Variants in ADCY2 observed in about 807,000 individuals in gnomAD.
ADCY2 encodes the protein adenylate cyclase type 2.
A neutral mutation model predicts 125.2 loss-of-function variants in ADCY2; 31 were observed. The ratio of observed to expected loss-of-function variants is 0.25; its 90% CI spans 0.19 to 0.33. The LOEUF (loss-of-function observed/expected upper bound fraction) is 0.33, where lower values mean the gene tolerates loss of function less well. Among genes scored for constraint, ADCY2 ranks in the 10% least tolerant of loss-of-function variants. ADCY2 has a pLI of 1.00. For synonymous variants in ADCY2, 512 were observed against 548.4 expected, an observed-to-expected ratio of 0.93 and a Z score of 0.93; for missense variants, 904 against 1,418.2, an observed-to-expected ratio of 0.64 and a Z score of 5.82.
chr5:7,741,945 T>TATCATC (rs993845125), intron 14 of ADCY2, among the ~76,000 whole-genome samples: 1 of 151,880 alleles, frequency 6.6e-6, no homozygotes, highest in Non-Finnish European at 1.5e-5. Context: ...CCGTCATTAT[T>TATCATC]ATCATCATCA....
At chr5:7,524,735 A>T (rs1734396616) in intron 3 of ADCY2, among the ~76,000 whole-genome samples, 2 of 152,110 alleles carry the variant, frequency 1.3e-5, no homozygotes, top group Non-Finnish European at 1.5e-5. Context: ...TGGTGGGTGC[A>T]TCCTCCCGGA....
At chr5:7,679,100 A>G (rs1416547423) in intron 4 of ADCY2, among the ~76,000 whole-genome samples, 1 of 152,244 alleles carries the variant, frequency 6.6e-6, no homozygotes, top group Non-Finnish European at 1.5e-5. Flanking sequence ...AGGAGCCATT[A>G]GCAAAGTGAA....
chr5:7,508,832 C>T (rs146521770), intron 2 of ADCY2, among the ~76,000 whole-genome samples: 44 of 152,284 alleles, frequency 2.9e-4, no homozygotes, highest in African/African-American at 1.0e-3. Flanking sequence ...GCCAAGAAAA[C>T]CCCCTCCAAA....
At chr5:7,768,598 A>G (rs1371556905) in intron 17 of ADCY2, among the ~76,000 whole-genome samples, 2 of 152,196 alleles carry the variant, frequency 1.3e-5, no homozygotes, top group Admixed American at 1.3e-4. Context: ...ACAACTCACC[A>G]CACTTGGCAT....
intron 4 of ADCY2, among the ~76,000 whole-genome samples, chr5:7,652,445 C>T (rs545249865): frequency 1.2e-4 from 18 of 152,140 alleles, no homozygotes; most frequent in Non-Finnish European, 2.4e-4. Context: ...TTTTTTAAAG[C>T]GTGGCCGTAT....
chr5:7,589,512 A>AAGAAAGAAAGAAAGG (rs1736772141), intron 3 of ADCY2, among the ~76,000 whole-genome samples: 1 of 71,276 alleles, frequency 1.4e-5, no homozygotes, highest in African/African-American at 4.1e-5. Context: ...GAAAGAAAGA[A>AAGAAAGAAAGAAAGG]AAGAAAAGAA....
At chr5:7,656,572 G>A (rs1445572179) in intron 4 of ADCY2, among the ~76,000 whole-genome samples, 2 of 152,122 alleles carry the variant, frequency 1.3e-5, no homozygotes, top group Non-Finnish European at 2.9e-5. Context: ...ATGTCAAAGG[G>A]GCCCTGAGGG....
intron 3 of ADCY2, among the ~76,000 whole-genome samples, chr5:7,532,191 G>C (rs532876275): frequency 6.6e-6 from 1 of 152,220 alleles, no homozygotes; most frequent in Non-Finnish European, 1.5e-5. Flanking sequence ...CTTGCCGGAC[G>C]ATTGCAGATA....
At chr5:7,533,257 G>T (rs1365879629) in intron 3 of ADCY2, among the ~76,000 whole-genome samples, 1 of 151,522 alleles carries the variant, frequency 6.6e-6, no homozygotes, top group Non-Finnish European at 1.5e-5. Context: ...TTCATTCAAG[G>T]TTTAAATTGT....
intron 4 of ADCY2, among the ~76,000 whole-genome samples, chr5:7,638,838 T>C (rs1422696940): frequency 7.2e-5 from 11 of 152,132 alleles, no homozygotes; most frequent in Non-Finnish European, 1.5e-4. Context: ...CCAAATCTCA[T>C]CTTGTAGCTC....
At position 7,498,987 on chromosome 5, in the gene ADCY2, G is replaced by C. The variant is rs1324209912; in HGVS notation, c.409-21751G>C. ...CTTAAAAATAGCCAAAATTATCCAT[G>C]GGGTTTGAAATCAGAGAGTGTTTTG... is the stretch of plus-strand genomic sequence containing the variant. On this transcript the variant is annotated intron_variant, in intron 2 of 24. Coordinates refer to ENST00000338316, the MANE Select transcript of ADCY2 (RefSeq NM_020546.3). Among the ~76,000 whole-genome samples the C allele has an allele frequency of 2.6e-5, 4 of 152,154 alleles. No homozygotes were observed. In the East Asian group the frequency reaches 7.7e-4, roughly 29 times the overall value.
chr5:7,729,244 G>C (rs1043940703), intron 14 of ADCY2, among the ~76,000 whole-genome samples: 3 of 151,986 alleles, frequency 2.0e-5, no homozygotes, highest in Non-Finnish European at 4.4e-5. Context: ...CAAAGATACA[G>C]AAAAGTACAG....
At chr5:7,781,719 A>G (rs1266708162) in intron 18 of ADCY2, among the ~76,000 whole-genome samples, 1 of 151,764 alleles carries the variant, frequency 6.6e-6, no homozygotes, top group African/African-American at 2.4e-5. Flanking sequence ...ACTCTAGGAA[A>G]CTAATTCAGA....
At chr5:7,634,676 C>T (rs1351809331) in intron 4 of ADCY2, among the ~76,000 whole-genome samples, 2 of 151,684 alleles carry the variant, frequency 1.3e-5, no homozygotes, top group South Asian at 2.1e-4. Context: ...CAGAAAAGCC[C>T]TCTTGTCCTA....
At chr5:7,506,512 G>A (rs770979086) in intron 2 of ADCY2, among the ~76,000 whole-genome samples, 3 of 152,032 alleles carry the variant, frequency 2.0e-5, no homozygotes, top group Non-Finnish European at 2.9e-5. Context: ...ACCATTGCCC[G>A]AGAAAAAAAT....
chr5:7,459,963 T>G (rs1056658134), intron 2 of ADCY2, among the ~76,000 whole-genome samples: 4 of 151,466 alleles, frequency 2.6e-5, no homozygotes, highest in Non-Finnish European at 5.9e-5. Flanking sequence ...ATTTTTTGTA[T>G]TTTTAGTAGG....
chr5:7,420,073 GT>G (rs1740135015), intron 2 of ADCY2, among the ~76,000 whole-genome samples: 1 of 152,206 alleles, frequency 6.6e-6, no homozygotes, highest in Admixed American at 6.5e-5. Context: ...CCGGGGACAT[GT>G]GATTGTGTCA....
At chr5:7,719,672 G>A (rs1741700870) in intron 12 of ADCY2, among the ~76,000 whole-genome samples, 1 of 152,206 alleles carries the variant, frequency 6.6e-6, no homozygotes, top group East Asian at 1.9e-4. Flanking sequence ...GTGGTAGGGA[G>A]CTCTCTGGTG....
chr5:7,411,102 C>A (rs561845552), intron 1 of ADCY2, among the ~76,000 whole-genome samples: 6 of 152,308 alleles, frequency 3.9e-5, no homozygotes, highest in South Asian at 4.1e-4. Context: ...TCCCATGACA[C>A]CCTCATGCAA....
Sources: allele counts gnomAD v4.1 joint callset (sites outside exome capture counted in the v4.1 genomes callset), GRCh38; gene constraint gnomAD v4.1.1; transcripts MANE v1.5; gene names NCBI Gene and HGNC (gene_info 2026-07-23, HGNC 2026-07-21).